ZDHHC14: variants seen among roughly 807,000 people sequenced by gnomAD.
ZDHHC14 encodes the protein palmitoyltransferase ZDHHC14.
Under a neutral mutation model 47.7 loss-of-function variants are expected in ZDHHC14, and 16 were observed. The observed-to-expected ratio is 0.34, with a 90% CI of 0.23 to 0.51. The LOEUF is 0.51. ZDHHC14 is among the 20% of genes least tolerant of loss of function. The probability of loss-of-function intolerance (pLI) is 0.97; values close to 1 mark genes in which losing one functional copy is unlikely to be tolerated. For synonymous variants in ZDHHC14, 293 were observed against 278.9 expected, an observed-to-expected ratio of 1.05 and a Z score of -0.50; for missense variants, 515 against 662.5, an observed-to-expected ratio of 0.78 and a Z score of 2.44.
intron 2 of ZDHHC14, among the ~76,000 whole-genome samples, chr6:157,568,716 CT>C (rs905683018): frequency 1.3e-5 from 2 of 152,162 alleles, no homozygotes; most frequent in African/African-American, 2.4e-5. Context: ...CTTGTTCCCC[CT>C]AAGGCTGTAT....
At chr6:157,669,280 G>T (rs1778686889) in intron 8 of ZDHHC14, among the ~76,000 whole-genome samples, 1 of 151,932 alleles carries the variant, frequency 6.6e-6, no homozygotes, top group Non-Finnish European at 1.5e-5. Flanking sequence ...GAGGAAAAGG[G>T]CCAGCAGCTG....
chr6:157,651,649 A>G (rs1476842249), intron 7 of ZDHHC14, among the ~76,000 whole-genome samples: 1 of 151,976 alleles, frequency 6.6e-6, no homozygotes, highest in African/African-American at 2.4e-5. Flanking sequence ...GCTCACTGCA[A>G]CTTCTGCCTC....
intron 1 of ZDHHC14, among the ~76,000 whole-genome samples, chr6:157,504,361 C>T (rs935395600): frequency 5.3e-5 from 8 of 150,904 alleles, no homozygotes; most frequent in Non-Finnish European, 7.4e-5. Context: ...GGGGTTTTAC[C>T]GTGGTCTCGA....
chr6:157,447,300 T>TG (rs796140144), intron 1 of ZDHHC14, among the ~76,000 whole-genome samples: 132 of 152,294 alleles, frequency 8.7e-4, no homozygotes, highest in African/African-American at 3.1e-3. Context: ...TGTCTCCCTG[T>TG]GGGGTGAGGC....
chr6:157,663,201 T>G lies in ZDHHC14; in HGVS notation c.1069-9523T>G, dbSNP rs185339726. Among the ~76,000 whole-genome samples the G allele has an allele frequency of 4.5e-4, 68 of 152,380 alleles. 1 individual carries two copies. The highest frequency in any genetic ancestry group is 1.3e-3 in the African/African-American group (56 of 41,600). ...TTTGGTCTCAAGGCTTCTACCCCCCTGGGAGTGCCCCAAGCGCCATGAGAA... is the reference window on the plus strand; with the variant it reads ...TTTGGTCTCAAGGCTTCTACCCCCCGGGGAGTGCCCCAAGCGCCATGAGAA... On this transcript the variant is annotated intron_variant, in intron 8 of 8. Coordinates refer to ENST00000359775, the MANE Select transcript of ZDHHC14 (RefSeq NM_024630.3).
At chr6:157,494,944 T>G (rs562547242) in intron 1 of ZDHHC14, among the ~76,000 whole-genome samples, 11 of 152,134 alleles carry the variant, frequency 7.2e-5, no homozygotes, top group Non-Finnish European at 1.6e-4. Flanking sequence ...AAAGACTGCG[T>G]TTTCCTCTCC....
At chr6:157,498,478 G>A (rs1421545610) in intron 1 of ZDHHC14, among the ~76,000 whole-genome samples, 9 of 152,162 alleles carry the variant, frequency 5.9e-5, no homozygotes, top group Admixed American at 1.3e-4. Context: ...GATATGGTGA[G>A]TTACTGTGTA....
intron 6 of ZDHHC14, 141 bp from the exon 7 acceptor site, chr6:157,647,118 C>T (rs188441698): frequency 8.1e-6 from 5 of 616,610 alleles, no homozygotes; most frequent in Non-Finnish European, 1.4e-5. Context: ...AGTAAATGCC[C>T]GTTTTCTTTA....
chr6:157,469,089 C>T (rs1376862031), intron 1 of ZDHHC14, among the ~76,000 whole-genome samples: 4 of 152,206 alleles, frequency 2.6e-5, no homozygotes, highest in Non-Finnish European at 4.4e-5. Context: ...GTGAATCTGG[C>T]AGCAGAATCT....
intron 1 of ZDHHC14, among the ~76,000 whole-genome samples, chr6:157,435,879 G>A (rs1778431549): frequency 6.6e-6 from 1 of 152,210 alleles, no homozygotes; most frequent in Non-Finnish European, 1.5e-5. Context: ...GGGCCTGGCA[G>A]CGTGGCAGAA....
chr6:157,495,809 A>T (rs886932070), intron 1 of ZDHHC14, among the ~76,000 whole-genome samples: 1 of 149,990 alleles, frequency 6.7e-6, no homozygotes, highest in East Asian at 2.0e-4. Flanking sequence ...GCTTCAAGCA[A>T]TCCTCCCACC....
At chr6:157,545,362 C>T (rs943943563) in intron 2 of ZDHHC14, among the ~76,000 whole-genome samples, 1 of 151,070 alleles carries the variant, frequency 6.6e-6, no homozygotes, top group African/African-American at 2.5e-5. Context: ...TAAATTATAC[C>T]TCTATGAAGA....
intron 3 of ZDHHC14, among the ~76,000 whole-genome samples, chr6:157,627,008 C>T (rs148311803): frequency 2.0e-5 from 3 of 152,230 alleles, no homozygotes; most frequent in African/African-American, 7.2e-5. Flanking sequence ...ATCACCAAGC[C>T]AGGGAGCTCT....
chr6:157,531,091 G>T (rs1460535720), intron 1 of ZDHHC14, among the ~76,000 whole-genome samples: 1 of 152,090 alleles, frequency 6.6e-6, no homozygotes, highest in East Asian at 1.9e-4. Flanking sequence ...GGTCCCTCTC[G>T]GTGTTCATTG....
chr6:157,534,210 C>T (rs1299643324), intron 1 of ZDHHC14, among the ~76,000 whole-genome samples: 1 of 152,142 alleles, frequency 6.6e-6, no homozygotes, highest in African/African-American at 2.4e-5. Flanking sequence ...TTGGTATGTG[C>T]AGGTCTTCCC....
At chr6:157,449,914 T>G (rs1045479547) in intron 1 of ZDHHC14, among the ~76,000 whole-genome samples, 1 of 152,216 alleles carries the variant, frequency 6.6e-6, no homozygotes, top group African/African-American at 2.4e-5. Flanking sequence ...TCTAACCATG[T>G]GAACTTGAGC....
At chr6:157,617,117 T>G (rs970551911) in intron 3 of ZDHHC14, among the ~76,000 whole-genome samples, 1 of 152,210 alleles carries the variant, frequency 6.6e-6, no homozygotes, top group Non-Finnish European at 1.5e-5. Context: ...CCTGTTCCTC[T>G]TACCTCATAT....
chr6:157,609,543 G>C (rs1784675933), intron 3 of ZDHHC14, among the ~76,000 whole-genome samples: 1 of 152,254 alleles, frequency 6.6e-6, no homozygotes, highest in African/African-American at 2.4e-5. Context: ...GTCATAAAGA[G>C]CAGGAAGAGT....
chr6:157,516,858 A>G (rs1385519023), intron 1 of ZDHHC14, among the ~76,000 whole-genome samples: 1 of 152,228 alleles, frequency 6.6e-6, no homozygotes, highest in Non-Finnish European at 1.5e-5. Flanking sequence ...GTCATCTTCC[A>G]GATGAAACCT....
Sources: allele counts gnomAD v4.1 joint callset (sites outside exome capture counted in the v4.1 genomes callset), GRCh38; gene constraint gnomAD v4.1.1; transcripts MANE v1.5; gene names NCBI Gene and HGNC (gene_info 2026-07-23, HGNC 2026-07-21).